CNTN1: variants seen among roughly 807,000 people sequenced by gnomAD.
CNTN1 encodes the protein contactin 1, also known as contactin-1.
Under a neutral mutation model 126.4 loss-of-function variants are expected in CNTN1, and 38 were observed. The ratio of observed to expected loss-of-function variants is 0.30; its 90% CI spans 0.23 to 0.39. The LOEUF (loss-of-function observed/expected upper bound fraction) is 0.39. Among genes scored for constraint, CNTN1 ranks in the 10% least tolerant of loss-of-function variants. The pLI, the probability that CNTN1 is intolerant of heterozygous loss-of-function variation, is 1.00. For synonymous variants in CNTN1, 413 were observed against 422.6 expected (o/e 0.98, Z 0.28); for missense variants, 1,009 against 1,248.4 (o/e 0.81, Z 2.89).
chr12:40,722,613 C>T (rs1942246043), intron 1 of CNTN1, among the ~76,000 whole-genome samples: 1 of 151,950 alleles, frequency 6.6e-6, no homozygotes, highest in East Asian at 1.9e-4. Context: ...TACATACATA[C>T]GTACACACAC....
rs1945472166 is a variant in CNTN1, at chr12:40,922,323, G to T, written c.295G>T (p.Val99Phe). The change falls in exon 5 of 24, where the codon GTT becomes TTT. Residue 99 changes from valine to phenylalanine, a missense_variant. Transcript: ENST00000551295. ...ATACAGTATGGTAGGAGGAAACCTT[G>T]TTATCAACAACCCTGACAAACAGAA... The part of the protein sequence containing the change: ...DRYSMVGGNL[V>F]INNPDKQKDA... 1.1e-5 allele frequency: 18 copies of T among 1,614,022 alleles called. No individual in the cohort carries two copies. Among genetic ancestry groups the T allele is most frequent in the Non-Finnish European group, 1.4e-5 (17 of 1,179,928 alleles).
intron 23 of CNTN1, among the ~76,000 whole-genome samples, chr12:41,031,494 C>A (rs770877663): frequency 4.6e-5 from 7 of 152,102 alleles, no homozygotes; most frequent in Non-Finnish European, 8.8e-5. Flanking sequence ...TTTAAGTTTA[C>A]ATAAATTCTA....
intron 1 of CNTN1, among the ~76,000 whole-genome samples, chr12:40,766,447 TTA>T (rs1939097661): frequency 6.6e-6 from 1 of 152,068 alleles, no homozygotes; most frequent in Non-Finnish European, 1.5e-5. Flanking sequence ...GGCAGAGCAT[TTA>T]ATGAAATAAT....
At chr12:40,804,981 G>A (rs763142806) in intron 1 of CNTN1, among the ~76,000 whole-genome samples, 19 of 151,870 alleles carry the variant, frequency 1.3e-4, no homozygotes, top group Admixed American at 4.6e-4. Flanking sequence ...TATCACTGCT[G>A]TGTCTTCTGG....
chr12:40,937,428 A>C, intron 10 of CNTN1, 142 bp from the exon 11 acceptor site: 4 of 679,186 alleles, frequency 5.9e-6, no homozygotes, highest in African/African-American at 1.8e-5. Context: ...ATGCCATGAA[A>C]ATCCCACTCA....
intron 1 of CNTN1, among the ~76,000 whole-genome samples, chr12:40,805,668 GT>G (rs1253326825): frequency 6.6e-6 from 1 of 151,968 alleles, no homozygotes; most frequent in African/African-American, 2.4e-5. Context: ...TGTGAGTTTG[GT>G]TTAGTTGGTT....
chr12:40,990,007 GA>G (rs1477643362), intron 16 of CNTN1, among the ~76,000 whole-genome samples: 1 of 151,914 alleles, frequency 6.6e-6, no homozygotes, highest in African/African-American at 2.4e-5. Flanking sequence ...TTGCAGAAGT[GA>G]AAGCAGCTTA....
chr12:41,070,156 A>G lies in CNTN1; in HGVS notation c.*121A>G. The G allele has an allele frequency of 1.2e-6, 1 of 844,484 alleles. No homozygotes were observed. Among genetic ancestry groups the G allele is most frequent in the South Asian group, 1.4e-5 (1 of 71,664 alleles). 52.3% of individuals were successfully genotyped at this position (844,484 alleles called of 1,614,324 possible). A position where few individuals can be genotyped will look rare whatever the true frequency, so the allele number is the denominator to read the frequency against. ...TAAGCCAAATAAATTATACTTTAAC[A>G]AACTATTCAACTGATTTACAACACA... On this transcript the variant is annotated 3_prime_UTR_variant, in exon 24 of 24. Coordinates refer to ENST00000551295, the MANE Select transcript of CNTN1 (RefSeq NM_001843.4).
intron 23 of CNTN1, among the ~76,000 whole-genome samples, chr12:41,033,500 A>T (rs1949190103): frequency 6.7e-6 from 1 of 148,200 alleles, no homozygotes; most frequent in Admixed American, 6.6e-5. Context: ...TTAAGTCTTT[A>T]CTTTTCTTTT....
intron 14 of CNTN1, among the ~76,000 whole-genome samples, chr12:40,948,454 A>C (rs1479742520): frequency 1.3e-5 from 2 of 151,748 alleles, no homozygotes; most frequent in African/African-American, 4.8e-5. Flanking sequence ...AATTGGGTTA[A>C]ATGTTTTTCA....
At chr12:40,729,595 A>G (rs1339299177) in intron 1 of CNTN1, 1 of 229,962 alleles carries the variant, frequency 4.3e-6, no homozygotes, top group Non-Finnish European at 9.7e-6. Flanking sequence ...AGCCTGCCCA[A>G]GCAAATGAAT....
chr12:40,813,058 T>TCTTTTTCTTTCTTTCTTTCTTC (rs71078274), intron 1 of CNTN1, among the ~76,000 whole-genome samples: 1 of 104,704 alleles, frequency 9.6e-6, no homozygotes, highest in Non-Finnish European at 2.1e-5. Flanking sequence ...TTTCTTTCTT[T>TCTTTTTCTTTCTTTCTTTCTTC]CTTCCTTCCT....
At chr12:41,052,443 C>A (rs1328959585) in intron 23 of CNTN1, among the ~76,000 whole-genome samples, 1 of 152,146 alleles carries the variant, frequency 6.6e-6, no homozygotes, top group Non-Finnish European at 1.5e-5. Flanking sequence ...AACACAGACA[C>A]AATAAATATT....
intron 23 of CNTN1, among the ~76,000 whole-genome samples, chr12:41,058,963 A>G (rs1949884271): frequency 6.6e-6 from 1 of 152,190 alleles, no homozygotes; most frequent in South Asian, 2.1e-4. Context: ...GATTCAATGA[A>G]TTTGGACAAT....
Position 41,071,074 on chromosome 12 carries a change from T to C in CNTN1, c.*1039T>C, listed in dbSNP as rs1950149956. 6.9e-6 allele frequency: 1 copy of C among 145,134 alleles called. No individual in the cohort carries two copies. The highest frequency in any genetic ancestry group is 2.5e-5 in the African/African-American group (1 of 39,886). The allele number at this position is 145,134 out of a possible 1,614,324, so 9.0% of individuals were successfully genotyped here. A position where few individuals can be genotyped will look rare whatever the true frequency, so the allele number is the denominator to read the frequency against. On this transcript the variant is annotated 3_prime_UTR_variant, in exon 24 of 24. Transcript: ENST00000551295. ...GAAAAAGCTACCGTATTCCATTTTG[T>C]AAAAATAACAATAATAATAATAATA...
rs1267790496 is a variant in CNTN1 at position 41,071,413 on chromosome 12, A to G, written c.*1378A>G. ...AAATAGTGCAGTGTTGGATGCTTCA[A>G]GAGGTATAATCCTATTTTATTAGCA... On this transcript the variant is annotated 3_prime_UTR_variant, in exon 24 of 24. Transcript: ENST00000551295. The G allele has an allele frequency of 6.6e-6, 1 of 152,212 alleles. No homozygotes were observed. The highest frequency in any genetic ancestry group is 6.5e-5 in the Admixed American group (1 of 15,276). The allele number at this position is 152,212 out of a possible 1,614,324, so 9.4% of individuals were successfully genotyped here.
chr12:41,002,484 T>C (rs1948385573), intron 17 of CNTN1, among the ~76,000 whole-genome samples: 2 of 152,136 alleles, frequency 1.3e-5, no homozygotes, highest in Non-Finnish European at 2.9e-5. Flanking sequence ...CCACATTGAT[T>C]TTGTATCTTG....
chr12:40,971,640 C>A, intron 15 of CNTN1: 1 of 1,478,192 alleles, frequency 6.8e-7, no homozygotes, highest in South Asian at 1.4e-5. Context: ...GAGTATGTTT[C>A]CCCTTTTGAA....
At chr12:40,870,168 C>CT (rs1253510386) in intron 1 of CNTN1, among the ~76,000 whole-genome samples, 2,599 of 146,488 alleles carry the variant, frequency 0.018, 37 homozygotes, top group African/African-American at 0.038. Context: ...CAATAAATCT[C>CT]TTTTTTTTTT....
Sources: allele counts gnomAD v4.1 joint callset (sites outside exome capture counted in the v4.1 genomes callset), GRCh38; gene constraint gnomAD v4.1.1; transcripts MANE v1.5; gene names NCBI Gene and HGNC (gene_info 2026-07-23, HGNC 2026-07-21).